Variants in CALN1 observed in about 807,000 individuals in gnomAD.
The protein encoded by CALN1 is calneuron 1, also known as calcium-binding protein 8.
A neutral mutation model predicts 30.6 loss-of-function variants in CALN1; 17 were observed. The ratio of observed to expected loss-of-function variants is 0.56; its 90% CI spans 0.38 to 0.83. The LOEUF is 0.83. CALN1 is among the 40% of genes least tolerant of loss of function. The pLI is 0.00. For missense variants in CALN1, 291 were observed against 354.9 expected (o/e 0.82, Z 1.45); for synonymous variants, 156 against 131.4 (o/e 1.19, Z -1.28).
intron 4 of CALN1, among the ~76,000 whole-genome samples, chr7:72,031,793 G>A (rs1259202458): frequency 7.0e-6 from 1 of 142,542 alleles, no homozygotes; most frequent in African/African-American, 2.6e-5. Flanking sequence ...CCAGGCTGAA[G>A]TGCAATGGCA....
intron 3 of CALN1, among the ~76,000 whole-genome samples, chr7:72,113,863 A>G (rs1439102563): frequency 5.3e-5 from 8 of 152,034 alleles, no homozygotes; most frequent in Admixed American, 5.2e-4. Flanking sequence ...TAAGGGTGAG[A>G]TTTTTAGACC....
intron 3 of CALN1, among the ~76,000 whole-genome samples, chr7:72,148,014 C>T (rs530499358): frequency 2.0e-5 from 3 of 149,736 alleles, no homozygotes; most frequent in Non-Finnish European, 3.0e-5. Flanking sequence ...ATAGGTGCAG[C>T]ACACCAACAT....
At chr7:72,384,853 G>C (rs879443293) in intron 2 of CALN1, among the ~76,000 whole-genome samples, 2 of 152,034 alleles carry the variant, frequency 1.3e-5, no homozygotes, top group Admixed American at 1.3e-4. Context: ...ACTTTTAAGA[G>C]AATGAAAAGA....
At chr7:71,898,170 A>C (rs762655878) in intron 5 of CALN1, among the ~76,000 whole-genome samples, 5 of 151,990 alleles carry the variant, frequency 3.3e-5, no homozygotes, top group Non-Finnish European at 5.9e-5. Context: ...TCTCTACTAA[A>C]AATACAAAAA....
At chr7:72,387,705 C>T (rs1420814330) in intron 2 of CALN1, among the ~76,000 whole-genome samples, 4 of 152,058 alleles carry the variant, frequency 2.6e-5, no homozygotes, top group Admixed American at 6.5e-5. Flanking sequence ...TCAGGATCAT[C>T]GAAAATAAGA....
chr7:71,806,873 C>T (rs1487455620), intron 6 of CALN1, among the ~76,000 whole-genome samples: 4 of 152,182 alleles, frequency 2.6e-5, no homozygotes, highest in East Asian at 3.9e-4. Context: ...TTTGAGGGTT[C>T]CTCCTGTCTC....
intron 3 of CALN1, among the ~76,000 whole-genome samples, chr7:72,165,980 T>A (rs1788496939): frequency 6.6e-6 from 1 of 152,134 alleles, no homozygotes; most frequent in African/African-American, 2.4e-5. Flanking sequence ...ATAGACCTTT[T>A]TAGGTGGCTG....
chr7:71,800,930 C>T (rs1160694138), intron 6 of CALN1, among the ~76,000 whole-genome samples: 2 of 152,106 alleles, frequency 1.3e-5, no homozygotes, highest in African/African-American at 2.4e-5. Flanking sequence ...TATTCAGCCC[C>T]GCATGCATTA....
chr7:72,017,089 G>A (rs931875776), intron 5 of CALN1, among the ~76,000 whole-genome samples: 3 of 149,022 alleles, frequency 2.0e-5, no homozygotes, highest in Non-Finnish European at 4.4e-5. Context: ...ACTTGAACCC[G>A]GGAGATGGAG....
intron 5 of CALN1, among the ~76,000 whole-genome samples, chr7:71,858,962 G>A (rs554518961): frequency 5.9e-5 from 9 of 152,286 alleles, no homozygotes; most frequent in Middle Eastern, 3.4e-3. Flanking sequence ...GACCTGTCTC[G>A]GATATTTTGA....
chr7:71,902,261 CAACCAATCA>C (rs56017291), intron 5 of CALN1, among the ~76,000 whole-genome samples: 12,803 of 99,238 alleles, frequency 0.13, 935 homozygotes, highest in East Asian at 0.47. Flanking sequence ...ACCAACCAAC[CAACCAATCA>C]AAAAAAAAAA....
At chr7:72,144,286 C>T (rs1810183552) in intron 3 of CALN1, among the ~76,000 whole-genome samples, 2 of 151,938 alleles carry the variant, frequency 1.3e-5, no homozygotes, top group African/African-American at 4.8e-5. Flanking sequence ...GGAAGATCTA[C>T]CAAGCAAATG....
At position 72,159,825 on chromosome 7, in the gene CALN1, T is replaced by G. The variant is rs189411451; in HGVS notation, c.245-53531A>C. 8.1e-4 allele frequency among the ~76,000 whole-genome samples: 123 copies of G among 151,960 alleles called. 1 individual carries two copies. Among genetic ancestry groups the G allele is most frequent in the African/African-American group, 2.9e-3 (119 of 41,438 alleles). On this transcript the variant is annotated intron_variant, in intron 3 of 6. Coordinates refer to ENST00000395275, the MANE Select transcript of CALN1 (RefSeq NM_031468.4). ...AAATAATAATAAAATAAAAAGTGGG[T>G]AGGTGCAAAAAATATTTAGAAAGAA...
At chr7:71,961,699 T>C (rs911264907) in intron 5 of CALN1, among the ~76,000 whole-genome samples, 11 of 152,176 alleles carry the variant, frequency 7.2e-5, no homozygotes, top group African/African-American at 1.9e-4. Flanking sequence ...TCTCTGTAGA[T>C]TGCATCTCCT....
At chr7:71,965,019 C>T (rs1037334348) in intron 5 of CALN1, among the ~76,000 whole-genome samples, 4 of 152,076 alleles carry the variant, frequency 2.6e-5, no homozygotes, top group African/African-American at 9.7e-5. Context: ...TTCTGGCTCA[C>T]GTTTTATTTT....
chr7:72,135,482 G>C (rs913752265), intron 3 of CALN1, among the ~76,000 whole-genome samples: 2 of 152,182 alleles, frequency 1.3e-5, no homozygotes, highest in Non-Finnish European at 2.9e-5. Context: ...ATCTCCATTA[G>C]AGCTCTTGGG....
At chr7:71,946,461 G>A (rs1203337761) in intron 5 of CALN1, among the ~76,000 whole-genome samples, 1 of 151,240 alleles carries the variant, frequency 6.6e-6, no homozygotes. Context: ...TTGACCTCCG[G>A]GGCTCAAGTG....
intron 3 of CALN1, 85 bp from the exon 4 acceptor site, chr7:72,106,379 T>TC (rs1807111702): frequency 5.3e-6 from 8 of 1,515,570 alleles, no homozygotes; most frequent in Admixed American, 3.6e-5. Context: ...TACTGAGAAC[T>TC]CCTAACTGCT....
intron 5 of CALN1, among the ~76,000 whole-genome samples, chr7:71,935,498 G>A (rs190760811): frequency 5.9e-5 from 9 of 152,098 alleles, no homozygotes; most frequent in African/African-American, 1.7e-4. Context: ...CGAGGCGGGC[G>A]GATCACCTGA....
Sources: allele counts gnomAD v4.1 joint callset (sites outside exome capture counted in the v4.1 genomes callset), GRCh38; gene constraint gnomAD v4.1.1; transcripts MANE v1.5; gene names NCBI Gene and HGNC (gene_info 2026-07-23, HGNC 2026-07-21).